Variants in RNF44 observed in about 807,000 individuals in gnomAD.
RNF44 encodes the protein ring finger protein 44.
In RNF44, 25 loss-of-function variants were observed where a neutral mutation model predicts 53.6. The observed-to-expected ratio is 0.47, with a 90% CI of 0.34 to 0.65. The LOEUF (loss-of-function observed/expected upper bound fraction) is 0.65. Ranked by LOEUF, RNF44 falls within the 30% of genes least tolerant of loss-of-function variation. The pLI is 0.01. For synonymous variants in RNF44, 282 were observed against 252.2 expected, an observed-to-expected ratio of 1.12 and a Z score of -1.12; for missense variants, 581 against 595.5, an observed-to-expected ratio of 0.98 and a Z score of 0.25.
chr5:176,531,063 G>A lies in RNF44; in HGVS notation c.466-42C>T, dbSNP rs763174081. 9.3e-6 allele frequency: 13 copies of A among 1,393,426 alleles called. No individual in the cohort carries two copies. Among genetic ancestry groups the A allele is most frequent in the Non-Finnish European group, 1.2e-5 (13 of 1,060,538 alleles). The allele number at this position is 1,393,426 out of a possible 1,614,324, so 86.3% of individuals were successfully genotyped here. On this transcript the variant is annotated intron_variant, in intron 4 of 10. Transcript: ENST00000274811. The surrounding 1 kb of genome is among the most constrained non-coding windows in gnomAD (Gnocchi z 4.2). ...CAGGGGGCTGAGAACGTTCTCCTGG[G>A]CTCTGGGCCAGGTCTACGCCATGCC...
chr5:176,533,397 G>A (rs951512693), intron 1 of RNF44, among the ~76,000 whole-genome samples: 1 of 152,178 alleles, frequency 6.6e-6, no homozygotes, highest in Non-Finnish European at 1.5e-5. Context: ...ATTTTACGGG[G>A]GAGGAAACTG....
intron 1 of RNF44, among the ~76,000 whole-genome samples, chr5:176,535,337 C>A (rs1242729704): frequency 6.6e-6 from 1 of 152,224 alleles, no homozygotes; most frequent in African/African-American, 2.4e-5. Context: ...GAATACGACA[C>A]GCTGACCTCC....
intron 1 of RNF44, among the ~76,000 whole-genome samples, chr5:176,532,747 C>CAAAAAAAA (rs3051911): frequency 0.27 from 19,059 of 71,676 alleles, 3,748 homozygotes; most frequent in Admixed American, 0.33. Flanking sequence ...ACTCCCGTCT[C>CAAAAAAAA]AAAAAAAAAA....
chr5:176,528,827 G>C lies in RNF44; in HGVS notation c.*201C>G. 1 of 607,234 alleles carries C rather than the reference G, an allele frequency of 1.6e-6. No homozygotes were observed. Among genetic ancestry groups the C allele is most frequent in the South Asian group, 2.0e-5 (1 of 49,978 alleles). The allele number at this position is 607,234 out of a possible 1,614,324, so 37.6% of individuals were successfully genotyped here. A position where few individuals can be genotyped will look rare whatever the true frequency, so the allele number is the denominator to read the frequency against. ...GGCGGGCGGGCAGGCAGGCAGACTA[G>C]GGAGGGAGTCTTTGGAGCTTGGCAA... On this transcript the variant is annotated 3_prime_UTR_variant, in exon 11 of 11. Transcript: ENST00000274811.
intron 1 of RNF44, 77 bp from the exon 2 acceptor site, chr5:176,532,593 A>G: frequency 7.8e-7 from 1 of 1,278,246 alleles, no homozygotes; most frequent in Non-Finnish European, 1.0e-6. Context: ...AAATACAAAA[A>G]CTAGCCAGGC....
Position 176,537,394 on chromosome 5 carries a change from T to G in RNF44, c.-499A>C, listed in dbSNP as rs954798046. 4 of 152,034 alleles carry G rather than the reference T, an allele frequency of 2.6e-5. No homozygotes were observed. Among genetic ancestry groups the G allele is most frequent in the East Asian group, 1.9e-4 (1 of 5,182 alleles). The allele number at this position is 152,034 out of a possible 1,614,324, so 9.4% of individuals were successfully genotyped here. A position where few individuals can be genotyped will look rare whatever the true frequency, so the allele number is the denominator to read the frequency against. ...GAGGCTCCGGCAAACAGTAGCCCGC[T>G]GCAAGCCCGCAGGGGCCCCGCCCCG... On this transcript the variant is annotated 5_prime_UTR_variant, in exon 1 of 11. Transcript: ENST00000274811.
rs1756170767 is a variant in RNF44, at chr5:176,527,896, G to C, written c.*1132C>G. The stretch of plus-strand genomic sequence containing the variant: ...TCCCCATCCTCCTGGGACTTCCTTG[G>C]AGGAGATTCGCCCAGGCAGGTGGGA... On this transcript the variant is annotated 3_prime_UTR_variant, in exon 11 of 11. Coordinates refer to ENST00000274811, the MANE Select transcript of RNF44 (RefSeq NM_014901.5). The C allele has an allele frequency of 6.6e-6, 1 of 152,466 alleles. No individual in the cohort carries two copies. Among genetic ancestry groups the C allele is most frequent in the Non-Finnish European group, 1.5e-5 (1 of 68,068 alleles). 9.4% of individuals were successfully genotyped at this position (152,466 alleles called of 1,614,324 possible). A position where few individuals can be genotyped will look rare whatever the true frequency, so the allele number is the denominator to read the frequency against.
rs1756711556 is a variant in RNF44, at chr5:176,531,982, CAG to C, written c.297+20_297+21del. The C allele has an allele frequency of 1.3e-6, 2 of 1,594,456 alleles. No individual in the cohort carries two copies. Among genetic ancestry groups the C allele is most frequent in the Non-Finnish European group, 1.7e-6 (2 of 1,170,950 alleles). On this transcript the variant is annotated intron_variant, in intron 3 of 10. Coordinates refer to ENST00000274811, the MANE Select transcript of RNF44 (RefSeq NM_014901.5). This position sits in a 1 kb window ranked among gnomAD's most constrained non-coding sequence, Gnocchi z 4.2. The stretch of plus-strand genomic sequence containing the variant: ...AGACTGGCTCACAGGGCCAGGGGCA[CAG>C]GGGATGGGGTTCTGCCTACCTGCTC...
intron 1 of RNF44, among the ~76,000 whole-genome samples, chr5:176,534,712 C>T (rs1192513291): frequency 2.0e-5 from 3 of 152,232 alleles, no homozygotes; most frequent in African/African-American, 7.2e-5. Context: ...GCAGAACAGT[C>T]ACCATAATAA....
Position 176,530,834 on chromosome 5 carries a change from C to A in RNF44, c.639+14G>T, listed in dbSNP as rs772546204. 33 of 1,435,898 alleles carry A rather than the reference C, an allele frequency of 2.3e-5. 1 individual carries two copies. The South Asian group carries it at 4.9e-4, about 22-fold the overall frequency. 88.9% of individuals were successfully genotyped at this position (1,435,898 alleles called of 1,614,324 possible). A position where few individuals can be genotyped will look rare whatever the true frequency, so the allele number is the denominator to read the frequency against. ...ACGCCATCTCCCTCCAGCATCGGAC[C>A]CATGCCGACTCACCATCCGAGGGTG... On this transcript the variant is annotated intron_variant, in intron 5 of 10. Coordinates refer to ENST00000274811, the MANE Select transcript of RNF44 (RefSeq NM_014901.5).
At position 176,531,054 on chromosome 5, in the gene RNF44, T is replaced by C. The variant is rs753577122; in HGVS notation, c.466-33A>G. Reference sequence around the variant, plus strand: ...GAGAGGGGGCAGGGGGCTGAGAACGTTCTCCTGGGCTCTGGGCCAGGTCTA... The same window carrying C: ...GAGAGGGGGCAGGGGGCTGAGAACGCTCTCCTGGGCTCTGGGCCAGGTCTA... On this transcript the variant is annotated intron_variant, in intron 4 of 10. Coordinates refer to ENST00000274811, the MANE Select transcript of RNF44 (RefSeq NM_014901.5). The surrounding 1 kb of genome is among the most constrained non-coding windows in gnomAD (Gnocchi z 4.2). 1 of 1,422,220 alleles carries C rather than the reference T, an allele frequency of 7.0e-7. No individual in the cohort carries two copies. The highest frequency in any genetic ancestry group is 2.8e-5 in the Admixed American group (1 of 35,424). The allele number at this position is 1,422,220 out of a possible 1,614,324, so 88.1% of individuals were successfully genotyped here.
intron 1 of RNF44, among the ~76,000 whole-genome samples, chr5:176,536,574 C>G (rs1392082824): frequency 6.6e-6 from 1 of 152,168 alleles, no homozygotes; most frequent in African/African-American, 2.4e-5. Context: ...GGAGGGACAC[C>G]GGGGGCGGGA....
At position 176,531,924 on chromosome 5, in the gene RNF44, G is replaced by A. The variant is rs1182964552; in HGVS notation, c.297+80C>T. 6 of 1,410,660 alleles carry A rather than the reference G, an allele frequency of 4.3e-6. No homozygotes were observed. Among genetic ancestry groups the A allele is most frequent in the South Asian group, 1.4e-5 (1 of 72,400 alleles). The allele number at this position is 1,410,660 out of a possible 1,614,324, so 87.4% of individuals were successfully genotyped here. A position where few individuals can be genotyped will look rare whatever the true frequency, so the allele number is the denominator to read the frequency against. ...CTGGAACGTGAAATGAAGCAAGCTA[G>A]GTGAAATCTAGGCCTTGCTGCCTCT... On this transcript the variant is annotated intron_variant, in intron 3 of 10. Transcript: ENST00000274811. The surrounding 1 kb of genome is among the most constrained non-coding windows in gnomAD (Gnocchi z 4.2).
rs1756736765 is a variant in RNF44, at chr5:176,532,135, G to A, written c.166C>T (p.Gln56Ter). The change falls in exon 3 of 11, where the codon CAG becomes TAG. Residue 56 changes from glutamine (Q) to a stop codon, truncating the protein, a stop_gained. Transcript: ENST00000274811. LOFTEE classifies it high-confidence loss of function. ...PPARDERLPS[Q>*]QPPSRPPHLP... is the part of the protein sequence containing the mutation. Reference sequence around the variant, plus strand: ...TGTGGAGGTCGGGACGGCGGCTGCTGGGAGGGTAAGCGCTCATCCCGGGCA... The same window carrying A: ...TGTGGAGGTCGGGACGGCGGCTGCTAGGAGGGTAAGCGCTCATCCCGGGCA... 6.3e-7 allele frequency: 1 copy of A among 1,579,328 alleles called. No homozygotes were observed. Among genetic ancestry groups the A allele is most frequent in the Non-Finnish European group, 8.6e-7 (1 of 1,164,890 alleles).
At chr5:176,543,428 A>C in the RNF44 span, 1 of 151,420 alleles carries the variant, frequency 6.6e-6, no homozygotes, top group Non-Finnish European at 1.5e-5. This position sits in a 1 kb window ranked among gnomAD's most constrained non-coding sequence, Gnocchi z 4.0. Context: ...CGCGGGGCCC[A>C]CACCGGCTGC....
At chr5:176,535,949 C>G (rs994023853) in intron 1 of RNF44, 1 of 152,316 alleles carries the variant, frequency 6.6e-6, no homozygotes, top group African/African-American at 2.4e-5. Flanking sequence ...CCACACCCAC[C>G]CATGAGAGCC....
the RNF44 span, chr5:176,543,482 G>A: frequency 7.2e-5 from 11 of 152,046 alleles, no homozygotes; most frequent in African/African-American, 2.4e-4. This position sits in a 1 kb window ranked among gnomAD's most constrained non-coding sequence, Gnocchi z 4.0. Context: ...GAATGGAGCT[G>A]CCTGGACCGC....
At chr5:176,538,499 C>T (rs1411470736), upstream of RNF44, among the ~76,000 whole-genome samples, 1 of 152,136 alleles carries the variant, frequency 6.6e-6, no homozygotes, top group Non-Finnish European at 1.5e-5. Flanking sequence ...AGCAGAAAAT[C>T]AGTAATTTGC....
upstream of RNF44, among the ~76,000 whole-genome samples, chr5:176,542,289 A>T (rs1479745660): frequency 6.6e-6 from 1 of 151,562 alleles, no homozygotes; most frequent in Non-Finnish European, 1.5e-5. Context: ...ACCTTGGGGA[A>T]GTCAGTAAGG....
Sources: allele counts gnomAD v4.1 joint callset (sites outside exome capture counted in the v4.1 genomes callset), GRCh38; gene constraint gnomAD v4.1.1; non-coding constraint Gnocchi (gnomAD v3.1); transcripts MANE v1.5; gene names NCBI Gene and HGNC (gene_info 2026-07-23, HGNC 2026-07-21).